Variants in BNIP2 observed in about 807,000 individuals in gnomAD.
BNIP2 encodes BCL2/adenovirus E1B 19 kDa protein-interacting protein 2.
A neutral mutation model predicts 43.4 loss-of-function variants in BNIP2; 36 were observed. The observed-to-expected ratio is 0.83, with a 90% confidence interval of 0.64 to 1.10. BNIP2 has a LOEUF of 1.10. Ranked by LOEUF, BNIP2 falls within the 50% of genes least tolerant of loss-of-function variation. The pLI is 0.00. For missense variants in BNIP2, 417 were observed against 374.1 expected (o/e 1.11, Z -0.95); for synonymous variants, 146 against 121.0 (o/e 1.21, Z -1.35).
At chr15:59,678,736 T>C (rs1893467105) in intron 4 of BNIP2, 3 of 1,287,078 alleles carry the variant, frequency 2.3e-6, no homozygotes, top group Non-Finnish European at 3.1e-6. Context: ...ATTTCAGTAT[T>C]ATAGTCCTTA....
At chr15:59,669,183 C>G (rs1892746660) in intron 8 of BNIP2, 93 bp downstream of exon 8, 1 of 1,082,280 alleles carries the variant, frequency 9.2e-7, no homozygotes, top group Non-Finnish European at 1.3e-6. Flanking sequence ...AAATATAGCT[C>G]TGTATCCCAT....
At chr15:59,668,063 G>T in intron 9 of BNIP2, 1 of 1,240,928 alleles carries the variant, frequency 8.1e-7, no homozygotes, top group Non-Finnish European at 1.1e-6. Flanking sequence ...CAATGCAAAT[G>T]GACTAGTCTA....
intron 1 of BNIP2, among the ~76,000 whole-genome samples, chr15:59,683,320 G>A (rs1346523000): frequency 6.6e-6 from 1 of 152,184 alleles, no homozygotes; most frequent in Non-Finnish European, 1.5e-5. Context: ...AGATCAACTG[G>A]TTAACAATGC....
chr15:59,677,382 G>T (rs1354683397), intron 5 of BNIP2: 10 of 1,531,592 alleles, frequency 6.5e-6, no homozygotes, highest in Non-Finnish European at 6.2e-6. Flanking sequence ...AGCCATAAGG[G>T]TTGGTTTTCC....
chr15:59,671,418 G>T, intron 6 of BNIP2, 104 bp from the exon 7 acceptor site: 1 of 970,734 alleles, frequency 1.0e-6, no homozygotes, highest in Non-Finnish European at 1.4e-6. Context: ...CTCCTACAAT[G>T]AGAGCAACAA....
At chr15:59,678,931 A>C in intron 4 of BNIP2, 1 of 1,132,772 alleles carries the variant, frequency 8.8e-7, no homozygotes, top group Non-Finnish European at 1.1e-6. Context: ...CTGTTTATTG[A>C]ACCAGTAAAA....
Position 59,664,066 on chromosome 15 carries a change from A to G in BNIP2, c.*3T>C. On this transcript the variant is annotated 3_prime_UTR_variant, in exon 10 of 10. Transcript: ENST00000607373. ...TCAGTCTTGTTTGGACTAGATGCCA[A>G]ACTTACTGTTCATTTTTCGGTTCAT... 3 of 1,547,196 alleles carry G rather than the reference A, an allele frequency of 1.9e-6. No homozygotes were observed. Among genetic ancestry groups the G allele is most frequent in the Non-Finnish European group, 8.7e-7 (1 of 1,143,716 alleles).
intron 1 of BNIP2, among the ~76,000 whole-genome samples, chr15:59,687,474 C>G (rs1326286886): frequency 6.6e-6 from 1 of 151,856 alleles, no homozygotes; most frequent in African/African-American, 2.4e-5. Flanking sequence ...GCCTCAGTCT[C>G]CCGAGTAGCT....
At chr15:59,684,467 C>A (rs376726085) in intron 1 of BNIP2, among the ~76,000 whole-genome samples, 10 of 152,126 alleles carry the variant, frequency 6.6e-5, no homozygotes, top group African/African-American at 2.2e-4. Flanking sequence ...ACCAAACAAT[C>A]CCCTCTGTTT....
At chr15:59,686,238 A>C (rs1566984711) in intron 1 of BNIP2, among the ~76,000 whole-genome samples, 1 of 152,228 alleles carries the variant, frequency 6.6e-6, no homozygotes, top group Non-Finnish European at 1.5e-5. Context: ...TAGCAACATA[A>C]GCAAAAATTA....
At chr15:59,679,326 A>G (rs953220327) in intron 4 of BNIP2, 2 of 302,020 alleles carry the variant, frequency 6.6e-6, no homozygotes, top group Admixed American at 4.7e-5. Context: ...TTCTTACTTG[A>G]TTGACTAAAA....
chr15:59,671,559 T>C (rs1293720864), intron 6 of BNIP2, among the ~76,000 whole-genome samples: 1 of 152,170 alleles, frequency 6.6e-6, no homozygotes, highest in Admixed American at 6.5e-5. Context: ...GGGTTAGAAG[T>C]GGGAACAAAG....
intron 5 of BNIP2, chr15:59,676,930 C>T (rs1355304615): frequency 1.2e-6 from 2 of 1,610,288 alleles, no homozygotes; most frequent in Non-Finnish European, 1.7e-6. Context: ...TCTTCACCCT[C>T]TGCGAGAACA....
intron 5 of BNIP2, chr15:59,677,470 A>G: frequency 4.9e-6 from 7 of 1,416,170 alleles, no homozygotes; most frequent in South Asian, 1.5e-5. Context: ...AGAGCAGGTG[A>G]CTGGAAATCT....
At chr15:59,681,451 T>A (rs1206100548) in intron 2 of BNIP2, among the ~76,000 whole-genome samples, 1 of 80,038 alleles carries the variant, frequency 1.2e-5, no homozygotes, top group Non-Finnish European at 2.7e-5. Flanking sequence ...ACCCACAAAT[T>A]TTTTTTTTTT....
intron 1 of BNIP2, among the ~76,000 whole-genome samples, chr15:59,683,528 G>T (rs1056438205): frequency 6.6e-6 from 1 of 152,158 alleles, no homozygotes; most frequent in Non-Finnish European, 1.5e-5. Context: ...AAAAGTCGTT[G>T]ACACTAGGCC....
chr15:59,680,900 CT>C (rs1355902897), intron 2 of BNIP2, among the ~76,000 whole-genome samples: 2 of 152,292 alleles, frequency 1.3e-5, no homozygotes, highest in African/African-American at 4.8e-5. Context: ...CCTGGCTACA[CT>C]TTCAAAGTAA....
chr15:59,684,687 A>T (rs1893903505), intron 1 of BNIP2, among the ~76,000 whole-genome samples: 1 of 152,354 alleles, frequency 6.6e-6, no homozygotes, highest in South Asian at 2.1e-4. Flanking sequence ...CTCTAAAGCG[A>T]ATGATGTATT....
At chr15:59,678,943 AGGG>A in intron 4 of BNIP2, 1 of 1,096,156 alleles carries the variant, frequency 9.1e-7, no homozygotes, top group Non-Finnish European at 1.2e-6. Context: ...CCAGTAAAAC[AGGG>A]AAGAAAAAAG....
Sources: gnomAD v4.1 joint callset for allele counts (sites outside exome capture counted in the v4.1 genomes callset) on GRCh38, gnomAD v4.1.1 for gene constraint, MANE v1.5 for transcripts, NCBI Gene and HGNC (gene_info 2026-07-23, HGNC 2026-07-21) for gene names.